MTA3: variants seen among roughly 807,000 people sequenced by gnomAD.
The protein encoded by MTA3 is metastasis associated 1 family member 3.
A neutral mutation model predicts 83.5 loss-of-function variants in MTA3; 34 were observed. The observed-to-expected ratio is 0.41, with a 90% confidence interval of 0.31 to 0.54. The LOEUF is 0.54. MTA3 is among the 20% of genes least tolerant of loss of function. The probability of loss-of-function intolerance (pLI) is 0.33; values close to 1 mark genes in which losing one functional copy is unlikely to be tolerated. For missense variants in MTA3, 761 were observed against 726.4 expected, an observed-to-expected ratio of 1.05 and a Z score of -0.55; for synonymous variants, 303 against 252.7, an observed-to-expected ratio of 1.20 and a Z score of -1.89.
intron 6 of MTA3, among the ~76,000 whole-genome samples, chr2:42,653,639 G>C (rs982708942): frequency 1.3e-5 from 2 of 151,946 alleles, no homozygotes; most frequent in Non-Finnish European, 2.9e-5. Context: ...CTGTGTTTTT[G>C]GTGTTAGTTT....
intron 2 of MTA3, among the ~76,000 whole-genome samples, chr2:42,541,721 A>C (rs1285898536): frequency 6.6e-6 from 1 of 152,198 alleles, no homozygotes; most frequent in African/African-American, 2.4e-5. Context: ...TGTTTCAGTC[A>C]CAGTAGCAAT....
At position 42,756,496 on chromosome 2, in the gene MTA3, C is replaced by T. The variant is rs891042811; in HGVS notation, c.*3097C>T. 2.5e-5 allele frequency: 25 copies of T among 985,450 alleles called. 1 individual carries two copies. In the East Asian group the frequency reaches 1.1e-3, roughly 45 times the overall value. The allele number at this position is 985,450 out of a possible 1,614,324, so 61.0% of individuals were successfully genotyped here. A position where few individuals can be genotyped will look rare whatever the true frequency, so the allele number is the denominator to read the frequency against. Reference sequence around the variant, plus strand: ...GGGCTGTGCGTGGCCTCAGTGCACTCGGTGTCATGTCTGAGCCTGGTGTTT... The same window carrying T: ...GGGCTGTGCGTGGCCTCAGTGCACTTGGTGTCATGTCTGAGCCTGGTGTTT... On this transcript the variant is annotated 3_prime_UTR_variant, in exon 17 of 17. Coordinates refer to ENST00000405094, the MANE Select transcript of MTA3 (RefSeq NM_001330442.2).
chr2:42,678,788 GTATACATACA>G (rs1209789454), intron 8 of MTA3, among the ~76,000 whole-genome samples: 8 of 152,050 alleles, frequency 5.3e-5, no homozygotes, highest in South Asian at 2.1e-4. Context: ...GTGTGTGTGT[GTATACATACA>G]TATACATACA....
chr2:42,539,576 GC>G (rs1395589235), intron 2 of MTA3, among the ~76,000 whole-genome samples: 1 of 127,350 alleles, frequency 7.9e-6, no homozygotes, highest in Non-Finnish European at 1.7e-5. Context: ...CAATTGTAAA[GC>G]TTTTTTTTTT....
chr2:42,638,674 C>T (rs1274549586), intron 4 of MTA3, among the ~76,000 whole-genome samples: 2 of 150,490 alleles, frequency 1.3e-5, no homozygotes, highest in Non-Finnish European at 3.0e-5. Context: ...GTTGTCTTTT[C>T]AGTGTTGTTA....
intron 4 of MTA3, among the ~76,000 whole-genome samples, chr2:42,627,246 T>C (rs1490939257): frequency 6.6e-6 from 1 of 152,112 alleles, no homozygotes; most frequent in African/African-American, 2.4e-5. Flanking sequence ...CCCAGCTAAC[T>C]TAAACTTTTT....
At chr2:42,551,331 C>T (rs915518954) in intron 2 of MTA3, among the ~76,000 whole-genome samples, 17 of 151,978 alleles carry the variant, frequency 1.1e-4, no homozygotes, top group African/African-American at 4.1e-4. Flanking sequence ...GCTGGGATTA[C>T]AGATGCACAC....
intron 2 of MTA3, among the ~76,000 whole-genome samples, chr2:42,505,289 G>A (rs1674581712): frequency 6.6e-6 from 1 of 152,134 alleles, no homozygotes; most frequent in African/African-American, 2.4e-5. Context: ...CTACTCAGGA[G>A]GCTGAAGCAG....
At chr2:42,711,207 C>T (rs922945621) in intron 14 of MTA3, among the ~76,000 whole-genome samples, 2 of 152,182 alleles carry the variant, frequency 1.3e-5, no homozygotes, top group African/African-American at 4.8e-5. Context: ...CCATCAGCAA[C>T]TCAGTTGGCT....
In MTA3 at chr2:42,754,482, C is replaced by A; in HGVS notation, c.*1083C>A. Reference sequence around the variant, plus strand: ...TCGTGTTTCCCACCTGCCCTCGGCACGAGCCCTTGGTGGCATCACAGTTGG... The same window carrying A: ...TCGTGTTTCCCACCTGCCCTCGGCAAGAGCCCTTGGTGGCATCACAGTTGG... On this transcript the variant is annotated 3_prime_UTR_variant, in exon 17 of 17. Coordinates refer to ENST00000405094, the MANE Select transcript of MTA3 (RefSeq NM_001330442.2). 1 of 985,552 alleles carries A rather than the reference C, an allele frequency of 1.0e-6. No homozygotes were observed. The highest frequency in any genetic ancestry group is 1.2e-6 in the Non-Finnish European group (1 of 830,044). The allele number at this position is 985,552 out of a possible 1,614,324, so 61.1% of individuals were successfully genotyped here.
chr2:42,720,470 T>C (rs1667326777), intron 15 of MTA3, among the ~76,000 whole-genome samples: 1 of 150,344 alleles, frequency 6.7e-6, no homozygotes, highest in Non-Finnish European at 1.5e-5. Context: ...CATGAGCCAC[T>C]GCGTCCGGCC....
intron 16 of MTA3, among the ~76,000 whole-genome samples, chr2:42,749,590 C>T (rs1669710089): frequency 6.6e-6 from 1 of 152,022 alleles, no homozygotes; most frequent in Non-Finnish European, 1.5e-5. Flanking sequence ...GCCTCAGCCT[C>T]CCAAGTAGCT....
At chr2:42,685,652 A>G (rs1188932739) in intron 9 of MTA3, among the ~76,000 whole-genome samples, 1 of 152,198 alleles carries the variant, frequency 6.6e-6, no homozygotes, top group African/African-American at 2.4e-5. Flanking sequence ...AACCCTGCAG[A>G]CTGCCCCTTA....
chr2:42,612,974 G>A (rs143178775), intron 4 of MTA3, among the ~76,000 whole-genome samples: 2 of 152,188 alleles, frequency 1.3e-5, no homozygotes, highest in Non-Finnish European at 2.9e-5. Flanking sequence ...AAAGACACAA[G>A]TATATTTTTA....
intron 3 of MTA3, among the ~76,000 whole-genome samples, chr2:42,607,711 C>T (rs956321290): frequency 6.6e-6 from 1 of 152,150 alleles, no homozygotes; most frequent in African/African-American, 2.4e-5. Context: ...TGATTTATCT[C>T]ACACCGAGGT....
intron 2 of MTA3, among the ~76,000 whole-genome samples, chr2:42,529,605 C>T (rs1042360791): frequency 6.6e-6 from 1 of 152,244 alleles, no homozygotes; most frequent in Non-Finnish European, 1.5e-5. Context: ...GTGCCTCCCA[C>T]GTGTTTTCTG....
intron 4 of MTA3, among the ~76,000 whole-genome samples, chr2:42,621,071 G>C (rs1187623780): frequency 7.7e-6 from 1 of 129,798 alleles, no homozygotes; most frequent in Admixed American, 8.2e-5. Context: ...CCTCAGTAAA[G>C]CTATTAAGGT....
intron 2 of MTA3, among the ~76,000 whole-genome samples, chr2:42,574,603 A>T (rs1173090440): frequency 6.6e-6 from 1 of 150,404 alleles, no homozygotes; most frequent in African/African-American, 2.5e-5. Flanking sequence ...CACCCAGCTA[A>T]TTTTTTTGTA....
At chr2:42,658,959 G>A (rs549920921) in intron 7 of MTA3, among the ~76,000 whole-genome samples, 24 of 151,156 alleles carry the variant, frequency 1.6e-4, no homozygotes, top group Admixed American at 2.6e-4. Flanking sequence ...ATAGCTGGGC[G>A]TGGTGGTGCA....
Sources: allele counts gnomAD v4.1 joint callset (sites outside exome capture counted in the v4.1 genomes callset), GRCh38; gene constraint gnomAD v4.1.1; transcripts MANE v1.5; gene names NCBI Gene and HGNC (gene_info 2026-07-23, HGNC 2026-07-21).